The following HS3ST2 variants were observed in gnomAD, a reference collection of about 807,000 sequenced individuals.
HS3ST2 encodes the protein heparan sulfate-glucosamine 3-sulfotransferase 2, also known as heparan sulfate glucosamine 3-O-sulfotransferase 2.
HS3ST2 carries 17 observed loss-of-function variants against 26.3 expected under a neutral mutation model. The ratio of observed to expected loss-of-function variants is 0.65; its 90% CI spans 0.44 to 0.97. HS3ST2 has a LOEUF of 0.97. Ranked by LOEUF, HS3ST2 falls within the 50% of genes least tolerant of loss-of-function variation. The pLI, the probability that HS3ST2 is intolerant of heterozygous loss-of-function variation, is 0.00. For synonymous variants in HS3ST2, 237 were observed against 219.2 expected (o/e 1.08, Z -0.72); for missense variants, 402 against 501.2 (o/e 0.80, Z 1.89).
chr16:22,839,643 T>C (rs368844345), intron 1 of HS3ST2, among the ~76,000 whole-genome samples: 33 of 152,002 alleles, frequency 2.2e-4, no homozygotes, highest in African/African-American at 8.0e-4. Context: ...TGAGATGACA[T>C]ACAGTTTTTT....
In HS3ST2 at chr16:22,915,467, A is replaced by G; in HGVS notation, c.1009A>G (p.Ile337Val). The change falls in exon 2 of 2, where the codon ATT (isoleucine) becomes GTT (valine). Residue 337 changes from isoleucine (I) to valine (V), a missense_variant. Around this residue, in one of 2 missense-constraint regions of HS3ST2, gnomAD observed 237 missense variants for 346.6 expected, o/e 0.68. Coordinates refer to ENST00000261374, the MANE Select transcript of HS3ST2 (RefSeq NM_006043.2). ...ATCAAAAGGGAGAACTCATGTACAG[A>G]TTGATCCTGAAGTGATAGACCAGCT... Reference protein sequence around the residue: ...GKSKGRTHVQIDPEVIDQLRE... With the variant: ...GKSKGRTHVQVDPEVIDQLRE... 1 of 1,614,096 alleles carries G rather than the reference A, an allele frequency of 6.2e-7. No individual in the cohort carries two copies. The highest frequency in any genetic ancestry group is 8.5e-7 in the Non-Finnish European group (1 of 1,180,030).
intron 1 of HS3ST2, among the ~76,000 whole-genome samples, chr16:22,887,784 G>GC (rs1346097152): frequency 4.1e-4 from 38 of 93,456 alleles, no homozygotes; most frequent in African/African-American, 1.7e-3. Context: ...CCATCTCTAC[G>GC]GGAAAAAAAA....
chr16:22,890,999 G>A (rs752982669), intron 1 of HS3ST2, among the ~76,000 whole-genome samples: 1 of 152,190 alleles, frequency 6.6e-6, no homozygotes, highest in African/African-American at 2.4e-5. Context: ...AATCCACATA[G>A]AGCTTGCTGA....
intron 1 of HS3ST2, among the ~76,000 whole-genome samples, chr16:22,893,966 T>C (rs1224296344): frequency 6.6e-6 from 1 of 152,122 alleles, no homozygotes; most frequent in Non-Finnish European, 1.5e-5. Flanking sequence ...ATTTTTATTA[T>C]TTTTAATGTT....
intron 1 of HS3ST2, among the ~76,000 whole-genome samples, chr16:22,874,577 G>A (rs900310851): frequency 6.6e-6 from 1 of 152,188 alleles, no homozygotes; most frequent in Non-Finnish European, 1.5e-5. Context: ...TGTCTCCTGG[G>A]TGCCAAACTC....
chr16:22,867,631 AG>A (rs1337997156), intron 1 of HS3ST2, among the ~76,000 whole-genome samples: 1 of 152,240 alleles, frequency 6.6e-6, no homozygotes, highest in Non-Finnish European at 1.5e-5. Flanking sequence ...TTGACTCAGT[AG>A]GCATGAAAAA....
intron 1 of HS3ST2, among the ~76,000 whole-genome samples, chr16:22,880,496 GT>G (rs1465036618): frequency 1.3e-5 from 2 of 152,176 alleles, no homozygotes; most frequent in African/African-American, 2.4e-5. Flanking sequence ...CAACCAATGT[GT>G]ACTCTGTCAC....
intron 1 of HS3ST2, among the ~76,000 whole-genome samples, chr16:22,884,680 TA>T (rs1902037023): frequency 7.2e-6 from 1 of 138,336 alleles, no homozygotes; most frequent in African/African-American, 2.9e-5. Flanking sequence ...ATATATATTA[TA>T]TATATATATA....
chr16:22,872,826 T>C (rs1237253346), intron 1 of HS3ST2, among the ~76,000 whole-genome samples: 2 of 152,164 alleles, frequency 1.3e-5, no homozygotes, highest in African/African-American at 4.8e-5. Context: ...CCTAGAGCCC[T>C]CATGTTGGTT....
chr16:22,874,627 TGTAA>T (rs1901887210), intron 1 of HS3ST2, among the ~76,000 whole-genome samples: 1 of 152,214 alleles, frequency 6.6e-6, no homozygotes, highest in African/African-American at 2.4e-5. Context: ...CATTATTCAC[TGTAA>T]GTGTCACTGC....
At chr16:22,830,079 C>T (rs1901146553) in intron 1 of HS3ST2, among the ~76,000 whole-genome samples, 1 of 152,128 alleles carries the variant, frequency 6.6e-6, no homozygotes, top group Non-Finnish European at 1.5e-5. Context: ...CAATCTCCAC[C>T]CCTCTTTATT....
chr16:22,886,144 G>A (rs967570417), intron 1 of HS3ST2, among the ~76,000 whole-genome samples: 1 of 152,178 alleles, frequency 6.6e-6, no homozygotes, highest in Non-Finnish European at 1.5e-5. Flanking sequence ...CTGTTTTATA[G>A]CTCAAGTTAG....
intron 1 of HS3ST2, among the ~76,000 whole-genome samples, chr16:22,897,385 T>C (rs1424325647): frequency 1.3e-5 from 2 of 152,216 alleles, no homozygotes; most frequent in Admixed American, 6.5e-5. Context: ...ATTTGCTGAG[T>C]AAGTACATGC....
chr16:22,905,762 C>T (rs937348620), intron 1 of HS3ST2, among the ~76,000 whole-genome samples: 1 of 152,138 alleles, frequency 6.6e-6, no homozygotes, highest in African/African-American at 2.4e-5. Flanking sequence ...TGCAAATCAA[C>T]ATCAAATATA....
intron 1 of HS3ST2, among the ~76,000 whole-genome samples, chr16:22,823,907 T>C (rs1225731529): frequency 1.3e-5 from 2 of 152,238 alleles, no homozygotes; most frequent in African/African-American, 2.4e-5. Flanking sequence ...AGTGTAGCCT[T>C]CCCAAGAACC....
At chr16:22,893,649 TA>T (rs397803203) in intron 1 of HS3ST2, among the ~76,000 whole-genome samples, 8 of 149,388 alleles carry the variant, frequency 5.4e-5, no homozygotes, top group African/African-American at 1.7e-4. Flanking sequence ...TTTTTTTTTT[TA>T]AATTTTTTGT....
At chr16:22,860,940 G>A (rs1347520477) in intron 1 of HS3ST2, among the ~76,000 whole-genome samples, 3 of 151,702 alleles carry the variant, frequency 2.0e-5, no homozygotes, top group African/African-American at 4.8e-5. Flanking sequence ...TGGTGTGGTC[G>A]TAGCTCAATG....
intron 1 of HS3ST2, among the ~76,000 whole-genome samples, chr16:22,839,700 C>G (rs972274153): frequency 1.3e-5 from 2 of 152,020 alleles, no homozygotes; most frequent in Non-Finnish European, 2.9e-5. Context: ...ACCTGCTACT[C>G]TTGCTAGTTA....
At chr16:22,892,566 A>T (rs1244496512) in intron 1 of HS3ST2, among the ~76,000 whole-genome samples, 1 of 152,198 alleles carries the variant, frequency 6.6e-6, no homozygotes, top group Non-Finnish European at 1.5e-5. Context: ...ATCATTTAAT[A>T]AATATTAGTA....
Sources: gnomAD v4.1 joint callset for allele counts (sites outside exome capture counted in the v4.1 genomes callset) on GRCh38, gnomAD v4.1.1 for gene constraint, gnomAD v4.1.1 regional missense constraint, MANE v1.5 for transcripts, NCBI Gene and HGNC (gene_info 2026-07-23, HGNC 2026-07-21) for gene names.